PCNX1: variants seen among roughly 807,000 people sequenced by gnomAD.
PCNX1 encodes pecanex 1, also known as pecanex-like protein 1.
In PCNX1, 78 loss-of-function variants were observed where a neutral mutation model predicts 242.2. That is an observed-to-expected ratio of 0.32 (90% CI 0.27 to 0.39). The LOEUF is 0.39. PCNX1 is among the 10% of genes least tolerant of loss of function. PCNX1 has a pLI of 1.00. For synonymous variants in PCNX1, 1,024 were observed against 1,032.9 expected (o/e 0.99, Z 0.17); for missense variants, 2,581 against 2,856.5 (o/e 0.90, Z 2.20).
At chr14:70,925,111 C>G (rs1026555429) in intron 1 of PCNX1, among the ~76,000 whole-genome samples, 13 of 152,004 alleles carry the variant, frequency 8.6e-5, no homozygotes, top group African/African-American at 3.1e-4. Flanking sequence ...GCCTCAGACT[C>G]CCGAGTAGCT....
At chr14:71,014,904 A>G (rs868516838) in intron 11 of PCNX1, among the ~76,000 whole-genome samples, 2 of 152,220 alleles carry the variant, frequency 1.3e-5, no homozygotes, top group Admixed American at 1.3e-4. Context: ...ATGCTTGAAT[A>G]AAACTACACC....
intron 2 of PCNX1, among the ~76,000 whole-genome samples, chr14:70,949,030 GTATA>G (rs1032141543): frequency 4.8e-5 from 7 of 145,524 alleles, no homozygotes; most frequent in African/African-American, 1.5e-4. Flanking sequence ...AAATGTGTGT[GTATA>G]TATACACATG....
At chr14:70,985,511 G>T (rs1011273302) in intron 6 of PCNX1, among the ~76,000 whole-genome samples, 1 of 152,194 alleles carries the variant, frequency 6.6e-6, no homozygotes, top group African/African-American at 2.4e-5. Flanking sequence ...ACTGCGCCAG[G>T]CCTGAAGGTT....
At chr14:71,096,309 T>A (rs1331058984) in intron 30 of PCNX1, among the ~76,000 whole-genome samples, 1 of 151,668 alleles carries the variant, frequency 6.6e-6, no homozygotes, top group Non-Finnish European at 1.5e-5. Flanking sequence ...AGAGCTAGAC[T>A]CTGTCTCAAA....
intron 2 of PCNX1, among the ~76,000 whole-genome samples, chr14:70,947,872 C>T (rs946410126): frequency 1.3e-5 from 2 of 152,032 alleles, no homozygotes; most frequent in African/African-American, 4.8e-5. Context: ...AAGGAGCAGC[C>T]CTGGGAAAAG....
Position 71,073,525 on chromosome 14 carries a change from GCT to G in PCNX1, c.4853-5_4853-4del, listed in dbSNP as rs71305844. 2,212 of 1,478,942 alleles carry G rather than the reference GCT, an allele frequency of 1.5e-3. No homozygotes were observed. Among genetic ancestry groups the G allele is most frequent in the South Asian group, 3.3e-3 (263 of 78,686 alleles). The allele number at this position is 1,478,942 out of a possible 1,614,324, so 91.6% of individuals were successfully genotyped here. A position where few individuals can be genotyped will look rare whatever the true frequency, so the allele number is the denominator to read the frequency against. ...CTTTCTGGTTTTCCCCCTTTGTAAA[GCT>G]CTCTCTCTCTCTCTAAGGTACCTAC... On this transcript the variant is annotated intron_variant, in intron 26 of 35. Coordinates refer to ENST00000304743, the MANE Select transcript of PCNX1 (RefSeq NM_014982.3).
At position 70,977,292 on chromosome 14, in the gene PCNX1, T is replaced by C; in HGVS notation, c.955T>C (p.Ser319Pro). 1.9e-6 allele frequency: 3 copies of C among 1,614,232 alleles called. No individual in the cohort carries two copies. The South Asian group carries it at 3.3e-5, about 18-fold the overall frequency. Reference protein sequence around the residue: ...GLDPVSELESSKPLSGSKESL... With the variant: ...GLDPVSELESPKPLSGSKESL... ...AGATCCAGTTAGTGAGTTAGAATCT[T>C]CCAAGCCTCTTTCTGGATCCAAAGA... Residue 319 changes from serine to proline, a missense_variant, in exon 6 of 36, where the codon TCC becomes CCC. By Grantham distance (74) the Ser-to-Pro change is moderately conservative. Around this residue, in one of 9 missense-constraint regions of PCNX1, gnomAD observed 1,204 missense variants for 1,216.7 expected, o/e 0.99. Transcript: ENST00000304743.
At chr14:71,106,231 A>G (rs562610674) in intron 33 of PCNX1, among the ~76,000 whole-genome samples, 186 of 151,044 alleles carry the variant, frequency 1.2e-3, no homozygotes, top group East Asian at 3.0e-3. Context: ...TGTTAGCCAG[A>G]ATGGTCTCGA....
intron 8 of PCNX1, among the ~76,000 whole-genome samples, chr14:71,004,742 T>C (rs1005881978): frequency 7.2e-5 from 11 of 152,168 alleles, no homozygotes; most frequent in African/African-American, 2.7e-4. Context: ...TCCAAGAAAT[T>C]AGAATTGATC....
chr14:71,023,734 C>T (rs776805188), intron 13 of PCNX1, among the ~76,000 whole-genome samples: 1 of 152,064 alleles, frequency 6.6e-6, no homozygotes, highest in Non-Finnish European at 1.5e-5. Flanking sequence ...ATCTGCCTAG[C>T]ACTATTTATT....
intron 29 of PCNX1, among the ~76,000 whole-genome samples, chr14:71,088,750 T>G (rs2062056557): frequency 6.6e-6 from 1 of 152,204 alleles, no homozygotes; most frequent in Admixed American, 6.5e-5. Flanking sequence ...AAATTCATTT[T>G]CCATATTTCC....
intron 1 of PCNX1, among the ~76,000 whole-genome samples, chr14:70,923,120 T>C (rs1594902170): frequency 1.3e-5 from 2 of 152,158 alleles, no homozygotes; most frequent in African/African-American, 4.8e-5. Context: ...CTTTTTTCTT[T>C]TAACTGCCTT....
chr14:70,929,140 C>A (rs1173655699), intron 1 of PCNX1, among the ~76,000 whole-genome samples: 1 of 151,930 alleles, frequency 6.6e-6, no homozygotes, highest in Non-Finnish European at 1.5e-5. Context: ...GTTTGGATAC[C>A]CTTTTGGGAT....
intron 2 of PCNX1, among the ~76,000 whole-genome samples, chr14:70,949,011 G>T (rs550660870): frequency 3.5e-5 from 5 of 143,774 alleles, no homozygotes; most frequent in Non-Finnish European, 3.0e-5. Flanking sequence ...TTATTTACTC[G>T]TATAAATAAA....
intron 20 of PCNX1, among the ~76,000 whole-genome samples, chr14:71,046,251 A>G (rs1302559536): frequency 6.6e-6 from 1 of 152,150 alleles, no homozygotes; most frequent in Non-Finnish European, 1.5e-5. Context: ...TACTGCTTTC[A>G]TATATAAATG....
At chr14:70,932,087 A>G (rs757464488) in intron 1 of PCNX1, among the ~76,000 whole-genome samples, 5 of 152,252 alleles carry the variant, frequency 3.3e-5, no homozygotes, top group Admixed American at 6.5e-5. Flanking sequence ...AGATCGCGCC[A>G]TTGCACTCCA....
At chr14:71,011,943 G>A (rs951006821) in intron 10 of PCNX1, 1 of 172,170 alleles carries the variant, frequency 5.8e-6, no homozygotes, top group Non-Finnish European at 1.2e-5. Context: ...GCAAACATGG[G>A]AAGATGATTG....
intron 7 of PCNX1, among the ~76,000 whole-genome samples, chr14:70,994,006 TA>T (rs1289650562): frequency 1.3e-5 from 2 of 152,334 alleles, no homozygotes; most frequent in East Asian, 3.9e-4. Flanking sequence ...TAAATACTTT[TA>T]TCATTATGGC....
intron 6 of PCNX1, among the ~76,000 whole-genome samples, chr14:70,982,232 TAGA>T (rs764385798): frequency 6.6e-6 from 1 of 152,184 alleles, no homozygotes; most frequent in Non-Finnish European, 1.5e-5. Context: ...CTTTACTAAA[TAGA>T]AGGACTCTCA....
Sources: gnomAD v4.1 joint callset for allele counts (sites outside exome capture counted in the v4.1 genomes callset) on GRCh38, gnomAD v4.1.1 for gene constraint, gnomAD v4.1.1 regional missense constraint, MANE v1.5 for transcripts, NCBI Gene and HGNC (gene_info 2026-07-23, HGNC 2026-07-21) for gene names.